Variants in C9orf85 observed in about 807,000 individuals in gnomAD.
The protein encoded by C9orf85 is chromosome 9 open reading frame 85, also known as uncharacterized protein C9orf85.
A neutral mutation model predicts 14.9 loss-of-function variants in C9orf85; 16 were observed. The ratio of observed to expected loss-of-function variants is 1.08; its 90% CI spans 0.73 to 1.63. C9orf85 has a LOEUF of 1.63. C9orf85 is among the 40% of genes most tolerant of loss of function. The pLI, the probability that C9orf85 is intolerant of heterozygous loss-of-function variation, is 0.00. For missense variants in C9orf85, 172 were observed against 186.1 expected, an observed-to-expected ratio of 0.92 and a Z score of 0.44; for synonymous variants, 45 against 56.8, an observed-to-expected ratio of 0.79 and a Z score of 0.93.
chr9:71,929,784 G>A (rs902450099), intron 1 of C9orf85, among the ~76,000 whole-genome samples: 19 of 151,326 alleles, frequency 1.3e-4, no homozygotes, highest in Admixed American at 6.6e-4. Flanking sequence ...AGTAGTATAT[G>A]TGTTTTATTT....
intron 1 of C9orf85, among the ~76,000 whole-genome samples, chr9:71,940,443 C>G (rs1187287343): frequency 1.3e-5 from 2 of 151,852 alleles, no homozygotes; most frequent in East Asian, 1.9e-4. Context: ...CTTAAAGAAA[C>G]AAACAAACAA....
At chr9:71,938,950 AAATG>A (rs1197843776) in intron 1 of C9orf85, among the ~76,000 whole-genome samples, 4 of 151,938 alleles carry the variant, frequency 2.6e-5, no homozygotes, top group Middle Eastern at 3.5e-3. Context: ...TAATATGGAA[AAATG>A]AATGTTATAA....
At chr9:71,944,640 C>T (rs938784667) in intron 1 of C9orf85, among the ~76,000 whole-genome samples, 1 of 152,052 alleles carries the variant, frequency 6.6e-6, no homozygotes, top group African/African-American at 2.4e-5. Flanking sequence ...TTTCCTTCCC[C>T]CCAGGCAGAA....
chr9:71,928,844 T>C (rs910396054), intron 1 of C9orf85, among the ~76,000 whole-genome samples: 7 of 152,208 alleles, frequency 4.6e-5, no homozygotes, highest in Non-Finnish European at 1.0e-4. Flanking sequence ...TAAGAATATA[T>C]ATTAATTTTA....
At chr9:71,931,604 G>A (rs1423044066) in intron 1 of C9orf85, among the ~76,000 whole-genome samples, 2 of 152,154 alleles carry the variant, frequency 1.3e-5, no homozygotes, top group Admixed American at 1.3e-4. Flanking sequence ...GTAATATTTG[G>A]TAGATGTGTG....
intron 3 of C9orf85, 23 bp from the exon 4 acceptor site, chr9:71,972,669 G>A (rs2132364786): frequency 1.3e-6 from 2 of 1,509,698 alleles, no homozygotes; most frequent in South Asian, 2.4e-5. Context: ...GAAATAAATA[G>A]AAATTTTTTC....
downstream of C9orf85, chr9:71,985,635 C>A (rs1259900677): frequency 6.6e-6 from 1 of 152,246 alleles, no homozygotes; most frequent in Non-Finnish European, 1.5e-5. Context: ...ACTTTTATAA[C>A]CTACCAATCC....
intron 3 of C9orf85, among the ~76,000 whole-genome samples, chr9:71,971,848 C>T (rs1822877910): frequency 6.6e-6 from 1 of 152,000 alleles, no homozygotes; most frequent in Non-Finnish European, 1.5e-5. Context: ...GTGGCAGGCG[C>T]CTGTAATCCC....
In C9orf85 at chr9:71,982,615, T is replaced by C. The variant is rs190006559; in HGVS notation, c.324-42T>C. ...TAGTGTGTGTGAAGTCTCACTGTGGTTTTAATTTGTATATTTCTTTTTTTT... is the reference window on the plus strand; with the variant it reads ...TAGTGTGTGTGAAGTCTCACTGTGGCTTTAATTTGTATATTTCTTTTTTTT... On this transcript the variant is annotated intron_variant, in intron 3 of 3. Coordinates refer to the C9orf85 transcript ENST00000377031. 70 of 404,712 alleles carry C rather than the reference T, an allele frequency of 1.7e-4. No individual in the cohort carries two copies. In the East Asian group the frequency reaches 4.0e-3, roughly 23 times the overall value. 25.1% of individuals were successfully genotyped at this position (404,712 alleles called of 1,614,324 possible). A position where few individuals can be genotyped will look rare whatever the true frequency, so the allele number is the denominator to read the frequency against.
At chr9:71,981,111 T>G (rs1823088703) in intron 3 of C9orf85, among the ~76,000 whole-genome samples, 1 of 152,172 alleles carries the variant, frequency 6.6e-6, no homozygotes, top group Non-Finnish European at 1.5e-5. Context: ...GGCCAGGCTG[T>G]CTCTGCAAGG....
chr9:71,984,115 A>G (rs1823159553), downstream of C9orf85: 1 of 152,230 alleles, frequency 6.6e-6, no homozygotes. Context: ...CTGTAGTTGC[A>G]GAGATCGTTT....
At chr9:71,976,917 G>T (rs1190383245), downstream of C9orf85, among the ~76,000 whole-genome samples, 5 of 152,124 alleles carry the variant, frequency 3.3e-5, no homozygotes, top group Non-Finnish European at 5.9e-5. Flanking sequence ...AGGGGAATCT[G>T]CTGAGACAAT....
At chr9:71,947,162 T>G (rs369469947) in intron 2 of C9orf85, 50 bp downstream of exon 2, 15 of 1,220,600 alleles carry the variant, frequency 1.2e-5, no homozygotes, top group Middle Eastern at 4.0e-4. Context: ...GTATCATAGT[T>G]TATTATTTCA....
chr9:71,951,456 C>T (rs1223096177), intron 2 of C9orf85, among the ~76,000 whole-genome samples: 1 of 152,096 alleles, frequency 6.6e-6, no homozygotes, highest in Non-Finnish European at 1.5e-5. Context: ...AGATAAAGCA[C>T]CAAGACCAGC....
intron 1 of C9orf85, among the ~76,000 whole-genome samples, chr9:71,924,127 G>C (rs11792611): frequency 0.12 from 17,784 of 152,104 alleles, 1,166 homozygotes; most frequent in Middle Eastern, 0.16. Context: ...AGTGTGATTT[G>C]ATTTTCTAAC....
At chr9:71,951,713 G>A (rs76451734) in intron 2 of C9orf85, among the ~76,000 whole-genome samples, 1,764 of 152,142 alleles carry the variant, frequency 0.012, 37 homozygotes, top group African/African-American at 0.04. Flanking sequence ...TTTTTCAAGT[G>A]CCTTGTTTTT....
At chr9:71,926,549 A>G (rs1827932736) in intron 1 of C9orf85, among the ~76,000 whole-genome samples, 1 of 152,048 alleles carries the variant, frequency 6.6e-6, no homozygotes, top group South Asian at 2.1e-4. Context: ...GTACTTTTAA[A>G]AACCCGAAAC....
chr9:71,948,901 C>T (rs12000049), intron 2 of C9orf85, among the ~76,000 whole-genome samples: 16,980 of 148,604 alleles, frequency 0.11, 1,087 homozygotes, highest in Middle Eastern at 0.16. Flanking sequence ...AAAGAAAACA[C>T]TCTTAAACAA....
intron 1 of C9orf85, among the ~76,000 whole-genome samples, chr9:71,935,183 CGCTCTGGATAACA>C (rs777910342): frequency 9.2e-5 from 14 of 152,220 alleles, no homozygotes; most frequent in Admixed American, 3.3e-4. Flanking sequence ...ATGGCACAGC[CGCTCTGGATAACA>C]GCATGGTGGC....
Sources: gnomAD v4.1 joint callset for allele counts (sites outside exome capture counted in the v4.1 genomes callset) on GRCh38, gnomAD v4.1.1 for gene constraint, MANE v1.5 for transcripts, NCBI Gene and HGNC (gene_info 2026-07-23, HGNC 2026-07-21) for gene names.